The following ACSL3 variants were observed in gnomAD, a reference collection of about 807,000 sequenced individuals.
ACSL3 encodes fatty acid CoA ligase Acsl3.
A neutral mutation model predicts 84.7 loss-of-function variants in ACSL3; 34 were observed. The observed-to-expected ratio is 0.40, with a 90% CI of 0.31 to 0.53. The LOEUF is 0.53. Ranked by LOEUF, ACSL3 falls within the 20% of genes least tolerant of loss-of-function variation. The pLI is 0.48. For missense variants in ACSL3, 680 were observed against 873.1 expected, an observed-to-expected ratio of 0.78 and a Z score of 2.79; for synonymous variants, 315 against 299.4, an observed-to-expected ratio of 1.05 and a Z score of -0.54.
At chr2:222,882,934 AT>A in intron 1 of ACSL3, among the ~76,000 whole-genome samples, 1 of 150,544 alleles carries the variant, frequency 6.6e-6, no homozygotes, top group Non-Finnish European at 1.5e-5. Flanking sequence ...TGCCTGGCTA[AT>A]TTTTGGTATT....
intron 1 of ACSL3, among the ~76,000 whole-genome samples, chr2:222,879,530 A>G (rs1019448544): frequency 6.6e-6 from 1 of 152,192 alleles, no homozygotes; most frequent in African/African-American, 2.4e-5. Flanking sequence ...GGATTTATTC[A>G]GCTTTGTCTG....
chr2:222,933,644 G>C, intron 15 of ACSL3: 1 of 162,538 alleles, frequency 6.2e-6, no homozygotes, highest in Non-Finnish European at 1.3e-5. Flanking sequence ...AGTGAGGAGT[G>C]TGCTGCTTAC....
rs117429251 is a variant in ACSL3, at chr2:222,912,587, G to A, written c.378+3437G>A. On this transcript the variant is annotated intron_variant, in intron 4 of 16. Transcript: ENST00000357430. ...GACTTTTGGGGATTAACCCCAGAAT[G>A]TTGTATCTGATATGGTTGAAGGAAA... Among the ~76,000 whole-genome samples, 20 of 152,320 alleles carry A rather than the reference G, an allele frequency of 1.3e-4. No individual in the cohort carries two copies. In the East Asian group the frequency reaches 2.5e-3, roughly 19 times the overall value.
At chr2:222,924,150 G>A (rs1696814122) in intron 10 of ACSL3, among the ~76,000 whole-genome samples, 1 of 152,126 alleles carries the variant, frequency 6.6e-6, no homozygotes, top group Non-Finnish European at 1.5e-5. Context: ...GATAAGCAAA[G>A]CAATATAAAG....
chr2:222,912,827 T>C (rs1048885586), intron 4 of ACSL3, among the ~76,000 whole-genome samples: 1 of 152,192 alleles, frequency 6.6e-6, no homozygotes, highest in Admixed American at 6.5e-5. Flanking sequence ...ACTTGGTTGC[T>C]TGGCAGGCCT....
intron 1 of ACSL3, among the ~76,000 whole-genome samples, chr2:222,866,068 A>G (rs1004799769): frequency 1.3e-5 from 2 of 152,200 alleles, no homozygotes; most frequent in African/African-American, 2.4e-5. Flanking sequence ...TGGTCTTTGG[A>G]ATAAGGATAA....
At chr2:222,904,652 C>G (rs1239705767) in intron 3 of ACSL3, 3 of 153,710 alleles carry the variant, frequency 2.0e-5, no homozygotes, top group African/African-American at 7.2e-5. Context: ...ATTCCCATGC[C>G]TGAGATTTGC....
intron 16 of ACSL3, among the ~76,000 whole-genome samples, chr2:222,941,169 ATCC>A (rs1237943820): frequency 6.6e-6 from 1 of 152,108 alleles, no homozygotes; most frequent in African/African-American, 2.4e-5. Context: ...GCCTCAAGCG[ATCC>A]TCCTGCCTGA....
chr2:222,925,858 TAA>T (rs1696863850), intron 11 of ACSL3, among the ~76,000 whole-genome samples: 1 of 152,220 alleles, frequency 6.6e-6, no homozygotes, highest in African/African-American at 2.4e-5. Flanking sequence ...TGTGTAGTGT[TAA>T]TAGAGTACAT....
intron 16 of ACSL3, among the ~76,000 whole-genome samples, chr2:222,939,740 CTTCT>C (rs1323736416): frequency 6.6e-6 from 1 of 152,080 alleles, no homozygotes; most frequent in Non-Finnish European, 1.5e-5. Context: ...AGTGTAGGAA[CTTCT>C]TAAGTGGTTT....
rs1351092448 is a variant in ACSL3, at chr2:222,908,887, A to G, written c.115A>G (p.Ile39Val). 6.2e-7 allele frequency: 1 copy of G among 1,611,424 alleles called. No individual in the cohort carries two copies. The highest frequency in any genetic ancestry group is 2.2e-5 in the East Asian group (1 of 44,814). The change falls in exon 4 of 17, where the codon ATT becomes GTT. Residue 39 changes from isoleucine (I) to valine (V), a missense_variant. Ile to Val is a conservative substitution (Grantham distance 29). Around this residue, in one of 2 missense-constraint regions of ACSL3, gnomAD observed 333 missense variants for 347.5 expected, o/e 0.96. Transcript: ENST00000357430. ...ATCACTTTATACTATTTTAACATAC[A>G]TTCCGTTTTATTTTTTCTCCGAGTC... Reference protein sequence around the residue: ...LISLYTILTYIPFYFFSESRQ... With the variant: ...LISLYTILTYVPFYFFSESRQ...
At chr2:222,864,204 T>C (rs1695081150) in intron 1 of ACSL3, among the ~76,000 whole-genome samples, 1 of 152,124 alleles carries the variant, frequency 6.6e-6, no homozygotes, top group Non-Finnish European at 1.5e-5. Context: ...AGAACTAGGT[T>C]CTGGATATGG....
In ACSL3 at chr2:222,922,830, A is replaced by G. The variant is rs531953984; in HGVS notation, c.1079A>G (p.Gln360Arg). The G allele has an allele frequency of 7.3e-5, 118 of 1,613,436 alleles. 1 individual carries two copies. The South Asian group carries it at 1.3e-3, about 17-fold the overall frequency. Residue 360 changes from glutamine to arginine, a missense_variant and splice_region_variant, in exon 9 of 17, where the codon CAG becomes CGG. By Grantham distance (43) the Gln-to-Arg change is conservative. This residue lies in a region of ACSL3 where 347 missense variants were observed against 525.7 expected (regional missense o/e 0.66). Transcript: ENST00000357430. ...GYSSPQTLAD[Q>R]SSKIKKGSKG... The stretch of plus-strand genomic sequence containing the variant: ...TCTTCACCACAGACTTTAGCAGATC[A>G]GGTAAGTTCAGTGTCTGTGACTTGA...
intron 12 of ACSL3, among the ~76,000 whole-genome samples, chr2:222,928,156 A>G (rs1187021960): frequency 6.6e-6 from 1 of 152,226 alleles, no homozygotes; most frequent in Non-Finnish European, 1.5e-5. Flanking sequence ...ATAATGCAAT[A>G]GTAATTCATA....
chr2:222,862,888 A>AAGAAAGGAAGAATGGG (rs1695049102), intron 1 of ACSL3, among the ~76,000 whole-genome samples: 1 of 152,194 alleles, frequency 6.6e-6, no homozygotes, highest in African/African-American at 2.4e-5. Context: ...TCCTTGAAGG[A>AAGAAAGGAAGAATGGG]AGAAAGGAAG....
intron 1 of ACSL3, among the ~76,000 whole-genome samples, chr2:222,867,774 T>G (rs1695191779): frequency 6.6e-6 from 1 of 152,178 alleles, no homozygotes; most frequent in Admixed American, 6.5e-5. Flanking sequence ...TGAACACAAG[T>G]CTTTGTTTTA....
intron 1 of ACSL3, among the ~76,000 whole-genome samples, chr2:222,867,126 C>T (rs921051909): frequency 5.9e-5 from 9 of 152,228 alleles, no homozygotes; most frequent in African/African-American, 2.2e-4. Flanking sequence ...AACCACCATG[C>T]CCGGCCTAGA....
intron 2 of ACSL3, among the ~76,000 whole-genome samples, chr2:222,900,278 T>C (rs905536906): frequency 1.3e-5 from 2 of 152,206 alleles, no homozygotes; most frequent in African/African-American, 4.8e-5. Flanking sequence ...TGCAACACTG[T>C]CCTCTCCATT....
intron 4 of ACSL3, among the ~76,000 whole-genome samples, chr2:222,915,592 T>A (rs1397817164): frequency 6.6e-6 from 1 of 151,708 alleles, no homozygotes; most frequent in Non-Finnish European, 1.5e-5. Flanking sequence ...AAAGACAATA[T>A]GTTAAAAAAC....
Sources: gnomAD v4.1 joint callset for allele counts (sites outside exome capture counted in the v4.1 genomes callset) on GRCh38, gnomAD v4.1.1 for gene constraint, gnomAD v4.1.1 regional missense constraint, MANE v1.5 for transcripts, NCBI Gene and HGNC (gene_info 2026-07-23, HGNC 2026-07-21) for gene names.